The following GABBR2 variants were observed in gnomAD, a reference collection of about 807,000 sequenced individuals.
GABBR2 encodes the protein gamma-aminobutyric acid type B receptor subunit 2, also known as G-protein coupled receptor 51.
Under a neutral mutation model 105.6 loss-of-function variants are expected in GABBR2, and 23 were observed. The ratio of observed to expected loss-of-function variants is 0.22; its 90% confidence interval spans 0.16 to 0.31. The LOEUF (loss-of-function observed/expected upper bound fraction) is 0.31. Ranked by LOEUF, GABBR2 falls within the 10% of genes least tolerant of loss-of-function variation. GABBR2 has a pLI of 1.00. For synonymous variants in GABBR2, 478 were observed against 499.7 expected (o/e 0.96, Z 0.58); for missense variants, 734 against 1,245.5 (o/e 0.59, Z 6.18).
At chr9:98,311,762 T>C (rs1433027766) in intron 13 of GABBR2, among the ~76,000 whole-genome samples, 1 of 152,228 alleles carries the variant, frequency 6.6e-6, no homozygotes, top group Non-Finnish European at 1.5e-5. Flanking sequence ...CAGAGCTGAC[T>C]GGACAAAGAA....
intron 17 of GABBR2, among the ~76,000 whole-genome samples, chr9:98,297,169 C>T (rs1381622891): frequency 2.0e-5 from 3 of 152,148 alleles, no homozygotes; most frequent in African/African-American, 7.2e-5. Context: ...AAAATGCCCA[C>T]TTTTACCAGA....
In GABBR2 at chr9:98,545,743, G is replaced by A. The variant is rs571705182; in HGVS notation, c.460-3700C>T. 2.0e-5 allele frequency among the ~76,000 whole-genome samples: 3 copies of A among 152,288 alleles called. 1 individual carries two copies. In the South Asian group the frequency reaches 6.2e-4, roughly 32 times the overall value. The stretch of plus-strand genomic sequence containing the variant: ...CAAAATTCCACTACAGCTAATAAGA[G>A]GTAGAAGCAGGACTTGAACCCGGGT... On this transcript the variant is annotated intron_variant, in intron 2 of 18. Transcript: ENST00000259455.
intron 8 of GABBR2, among the ~76,000 whole-genome samples, chr9:98,402,542 G>C (rs1439087843): frequency 3.3e-5 from 5 of 152,148 alleles, no homozygotes; most frequent in African/African-American, 4.8e-5. Context: ...GGGGAAGAAG[G>C]CATGCAGTTT....
At chr9:98,631,592 C>T (rs952391859) in intron 1 of GABBR2, among the ~76,000 whole-genome samples, 4 of 152,188 alleles carry the variant, frequency 2.6e-5, no homozygotes, top group African/African-American at 9.7e-5. Flanking sequence ...TACTATGATT[C>T]ATACTTGAAT....
At chr9:98,583,775 G>C (rs909766484) in intron 1 of GABBR2, among the ~76,000 whole-genome samples, 9 of 152,174 alleles carry the variant, frequency 5.9e-5, no homozygotes, top group Admixed American at 5.2e-4. Flanking sequence ...CATTTCACAG[G>C]ATCTGTCCTT....
In GABBR2 at chr9:98,528,157, G is replaced by A. The variant is rs141618193; in HGVS notation, c.630+13716C>T. 8.2e-4 allele frequency among the ~76,000 whole-genome samples: 125 copies of A among 152,072 alleles called. 2 individuals are homozygous for A. In the East Asian group the frequency reaches 0.02, roughly 24 times the overall value. On this transcript the variant is annotated intron_variant, in intron 3 of 18. Coordinates refer to ENST00000259455, the MANE Select transcript of GABBR2 (RefSeq NM_005458.8). ...TATATGTTGGTTTGCATTATATTTC[G>A]ATCATACAGAACTGGCCTAAAGCAT...
intron 13 of GABBR2, among the ~76,000 whole-genome samples, chr9:98,346,645 G>A (rs1088062): frequency 0.76 from 116,089 of 152,094 alleles, 44,552 homozygotes; most frequent in Admixed American, 0.81. Context: ...TATTCATCCT[G>A]CAGTGCTGCA....
At chr9:98,674,612 C>T (rs1105931) in intron 1 of GABBR2, among the ~76,000 whole-genome samples, 122,905 of 152,032 alleles carry the variant, frequency 0.81, 49,877 homozygotes, top group Middle Eastern at 0.91. Context: ...GTACAGGACT[C>T]GGGTGTGATG....
intron 15 of GABBR2, among the ~76,000 whole-genome samples, chr9:98,305,124 T>C (rs1160130461): frequency 3.9e-5 from 6 of 151,940 alleles, no homozygotes; most frequent in African/African-American, 1.5e-4. Flanking sequence ...TCAACACAGA[T>C]CACCCTACTG....
rs1034490246 is a variant in GABBR2 at position 98,306,912 on chromosome 9, C to T, written c.2005-567G>A. Among the ~76,000 whole-genome samples the T allele has an allele frequency of 2.8e-4, 42 of 152,134 alleles. No homozygotes were observed. The highest frequency in any genetic ancestry group is 9.9e-4 in the African/African-American group (41 of 41,416). Reference sequence around the variant, plus strand: ...GCATATTGCTAGCTTCTGGACAATGCCTGTAAATAGAAGTGGTGTGCACAT... The same window carrying T: ...GCATATTGCTAGCTTCTGGACAATGTCTGTAAATAGAAGTGGTGTGCACAT... On this transcript the variant is annotated intron_variant, in intron 14 of 18. Transcript: ENST00000259455. This position sits in a 1 kb window ranked among gnomAD's most constrained non-coding sequence, Gnocchi z 5.4.
intron 3 of GABBR2, among the ~76,000 whole-genome samples, chr9:98,503,261 G>A (rs1349845481): frequency 2.0e-5 from 3 of 152,132 alleles, no homozygotes; most frequent in East Asian, 3.9e-4. Flanking sequence ...ATGTCCTAGC[G>A]GGCTTAATGC....
chr9:98,672,761 T>C (rs992204657), intron 1 of GABBR2, among the ~76,000 whole-genome samples: 1 of 150,658 alleles, frequency 6.6e-6, no homozygotes, highest in Non-Finnish European at 1.5e-5. Context: ...AGACAGTTTA[T>C]CTTTAAAGTC....
chr9:98,686,058 C>T (rs1029140030), intron 1 of GABBR2, among the ~76,000 whole-genome samples: 2 of 152,156 alleles, frequency 1.3e-5, no homozygotes, highest in Non-Finnish European at 2.9e-5. Context: ...GCTTCCATGT[C>T]TTTGCATCAT....
rs724890 is a variant in GABBR2, at chr9:98,389,100, C to T, written c.1379-96G>A. ...GTCCCTGACATCCAGCCAGGCCCTG[C>T]GCACAAACTCTACACAAGGCACATC... On this transcript the variant is annotated intron_variant, in intron 9 of 18. Coordinates refer to ENST00000259455, the MANE Select transcript of GABBR2 (RefSeq NM_005458.8). The T allele has an allele frequency of 0.13, 134,215 of 1,054,384 alleles. 12,300 individuals are homozygous for T. The highest frequency in any genetic ancestry group is 0.45 in the African/African-American group (28,457 of 63,744). 65.3% of individuals were successfully genotyped at this position (1,054,384 alleles called of 1,614,324 possible).
At chr9:98,408,349 G>A (rs192543493) in intron 7 of GABBR2, among the ~76,000 whole-genome samples, 74 of 152,304 alleles carry the variant, frequency 4.9e-4, no homozygotes, top group African/African-American at 1.7e-3. Context: ...CTGGGGTGAC[G>A]AAGTGCTGAT....
chr9:98,317,418 C>T (rs756879760), intron 13 of GABBR2, among the ~76,000 whole-genome samples: 5 of 152,198 alleles, frequency 3.3e-5, no homozygotes, highest in Admixed American at 6.5e-5. Context: ...CCGCTCTGTC[C>T]GGCTGCACAA....
chr9:98,393,157 C>CCCATCCATCCACCCATCCAT (rs1832221538), intron 9 of GABBR2, among the ~76,000 whole-genome samples: 1 of 115,274 alleles, frequency 8.7e-6, no homozygotes, highest in Non-Finnish European at 1.7e-5. Context: ...CATCCACCAA[C>CCCATCCATCCACCCATCCAT]CCATCCATCC....
intron 17 of GABBR2, among the ~76,000 whole-genome samples, chr9:98,295,654 T>C (rs549758547): frequency 6.6e-6 from 1 of 152,232 alleles, no homozygotes; most frequent in African/African-American, 2.4e-5. Flanking sequence ...GCCTCCCAAG[T>C]AGCTGGGACT....
intron 2 of GABBR2, among the ~76,000 whole-genome samples, chr9:98,569,073 C>T (rs374511349): frequency 2.0e-5 from 3 of 152,052 alleles, no homozygotes; most frequent in Admixed American, 2.0e-4. Flanking sequence ...GCTAAATGGC[C>T]CCCCTGGAGA....
Sources: gnomAD v4.1 joint callset for allele counts (sites outside exome capture counted in the v4.1 genomes callset) on GRCh38, gnomAD v4.1.1 for gene constraint, Gnocchi (gnomAD v3.1) non-coding constraint, MANE v1.5 for transcripts, NCBI Gene and HGNC (gene_info 2026-07-23, HGNC 2026-07-21) for gene names.